The following PAPPA variants were observed in gnomAD, a reference collection of about 807,000 sequenced individuals.
PAPPA encodes pappalysin-1.
PAPPA carries 60 observed loss-of-function variants against 164.0 expected under a neutral mutation model. The ratio of observed to expected loss-of-function variants is 0.37; its 90% CI spans 0.30 to 0.45. The LOEUF is 0.45. Among genes scored for constraint, PAPPA ranks in the 20% least tolerant of loss-of-function variants. The pLI is 1.00. For synonymous variants in PAPPA, 875 were observed against 814.1 expected (o/e 1.07, Z -1.27); for missense variants, 1,782 against 2,087.3 (o/e 0.85, Z 2.85).
chr9:116,313,867 G>A (rs536609895), intron 10 of PAPPA, among the ~76,000 whole-genome samples: 1 of 151,976 alleles, frequency 6.6e-6, no homozygotes, highest in African/African-American at 2.4e-5. Context: ...CACATGCCAG[G>A]GCTGCTACTT....
At position 116,241,913 on chromosome 9, in the gene PAPPA, G is replaced by A. The variant is rs200248349; in HGVS notation, c.2732+6276G>A. Reference sequence around the variant, plus strand: ...CTCATTTCTTTTTATAGCTCTTTCCGTTTCTCACCTTGTCATCCATCCTTT... The same window carrying A: ...CTCATTTCTTTTTATAGCTCTTTCCATTTCTCACCTTGTCATCCATCCTTT... On this transcript the variant is annotated intron_variant, in intron 7 of 21. Transcript: ENST00000328252. Among the ~76,000 whole-genome samples the A allele has an allele frequency of 2.4e-4, 36 of 151,264 alleles. 1 individual carries two copies. The highest frequency in any genetic ancestry group is 1.6e-3 in the East Asian group (8 of 5,154).
chr9:116,176,064 G>T (rs1843830262), intron 1 of PAPPA, among the ~76,000 whole-genome samples: 3 of 152,160 alleles, frequency 2.0e-5, no homozygotes, highest in Admixed American at 6.5e-5. Flanking sequence ...CTTATACACT[G>T]ATGGTGGAGA....
chr9:116,286,249 G>A (rs1845337584), intron 9 of PAPPA: 1 of 152,126 alleles, frequency 6.6e-6, no homozygotes, highest in South Asian at 2.1e-4. Flanking sequence ...TTAGAAGAAT[G>A]GGTGGGTGGA....
At chr9:116,355,204 C>G (rs930984291) in intron 17 of PAPPA, among the ~76,000 whole-genome samples, 3 of 250 alleles carry the variant, frequency 0.012, no homozygotes, top group Non-Finnish European at 0.026. Context: ...CCCTGTGCCT[C>G]TCAGCACTTA....
chr9:116,293,970 A>G (rs1056475996), intron 9 of PAPPA, among the ~76,000 whole-genome samples: 6 of 152,194 alleles, frequency 3.9e-5, no homozygotes, highest in African/African-American at 7.2e-5. Flanking sequence ...AAATAAATAA[A>G]TAAAGTATTT....
At chr9:116,382,295 GTGAAAAGATGACAGACACCCGAAGGAC>G in intron 20 of PAPPA, 73 bp from the exon 21 acceptor site, 2 of 764,144 alleles carry the variant, frequency 2.6e-6, no homozygotes, top group South Asian at 2.9e-5. Flanking sequence ...GTGGAAGGCT[GTGAAAAGATGACAGACACCCGAAGGAC>G]TGCAGACGTC....
At chr9:116,255,015 C>T (rs1844911359) in intron 7 of PAPPA, among the ~76,000 whole-genome samples, 1 of 151,700 alleles carries the variant, frequency 6.6e-6, no homozygotes, top group Non-Finnish European at 1.5e-5. Context: ...AGCTTCCATT[C>T]TAAAGATATG....
intron 2 of PAPPA, among the ~76,000 whole-genome samples, chr9:116,200,356 AC>A (rs1170202338): frequency 6.6e-6 from 1 of 152,148 alleles, no homozygotes; most frequent in Non-Finnish European, 1.5e-5. Flanking sequence ...CTATCATAAC[AC>A]ATATAATAAC....
rs1845132932 is a variant in PAPPA, at chr9:116,271,316, G to A, written c.2862-9G>A. On this transcript the variant is annotated splice_polypyrimidine_tract_variant and intron_variant, in intron 8 of 21. Coordinates refer to ENST00000328252, the MANE Select transcript of PAPPA (RefSeq NM_002581.5). This position sits in a 1 kb window ranked among gnomAD's most constrained non-coding sequence, Gnocchi z 4.2. ...ATTGGCAAATTTCTCTTCCATATCT[G>A]CTCTGCAGAGACCAAGGTGAACAAT... 1 of 1,608,256 alleles carries A rather than the reference G, an allele frequency of 6.2e-7. No individual in the cohort carries two copies. Among genetic ancestry groups the A allele is most frequent in the African/African-American group, 1.3e-5 (1 of 74,924 alleles).
At chr9:116,286,857 T>C (rs959031409) in intron 9 of PAPPA, 2 of 152,118 alleles carry the variant, frequency 1.3e-5, no homozygotes, top group Non-Finnish European at 2.9e-5. Context: ...TCATAACAGT[T>C]GGGAAGGTAG....
Position 116,276,350 on chromosome 9 carries a change from T to A in PAPPA, c.2953+4934T>A, listed in dbSNP as rs556664222. Among the ~76,000 whole-genome samples the A allele has an allele frequency of 1.9e-3, 282 of 152,334 alleles. 2 individuals carry two copies. The highest frequency in any genetic ancestry group is 6.6e-3 in the African/African-American group (275 of 41,576). On this transcript the variant is annotated intron_variant, in intron 9 of 21. Coordinates refer to ENST00000328252, the MANE Select transcript of PAPPA (RefSeq NM_002581.5). ...TGTTACCTTCTGAGATGGAATCTAGTGCATTACAGGAGATGCAGCTGTGGA... is the reference window on the plus strand; with the variant it reads ...TGTTACCTTCTGAGATGGAATCTAGAGCATTACAGGAGATGCAGCTGTGGA...
chr9:116,390,203 C>T (rs1267483992), intron 21 of PAPPA, among the ~76,000 whole-genome samples: 6 of 151,930 alleles, frequency 3.9e-5, no homozygotes, highest in Admixed American at 1.3e-4. Context: ...AGGAGGTCAG[C>T]GAAGTTTCCC....
At chr9:116,221,341 T>A (rs1844443621) in intron 5 of PAPPA, among the ~76,000 whole-genome samples, 1 of 152,240 alleles carries the variant, frequency 6.6e-6, no homozygotes, top group South Asian at 2.1e-4. Context: ...TTCTTTGGGA[T>A]GCTTCATCTA....
At chr9:116,258,794 T>C (rs2118797186) in intron 7 of PAPPA, among the ~76,000 whole-genome samples, 1 of 152,326 alleles carries the variant, frequency 6.6e-6, no homozygotes, top group African/African-American at 2.4e-5. Flanking sequence ...ATAATTTTAA[T>C]ACATATTTGG....
chr9:116,237,517 G>C (rs867543940), intron 7 of PAPPA, among the ~76,000 whole-genome samples: 1 of 152,244 alleles, frequency 6.6e-6, no homozygotes, highest in East Asian at 1.9e-4. Context: ...GAGCTGCCAT[G>C]GGTTGATAAG....
chr9:116,219,905 T>C, intron 4 of PAPPA, 32 bp from the exon 5 acceptor site: 1 of 1,570,264 alleles, frequency 6.4e-7, no homozygotes, highest in Non-Finnish European at 8.7e-7. Context: ...CCTTGCGGCT[T>C]GGTGCTTATC....
chr9:116,211,863 C>T lies in PAPPA; in HGVS notation c.1849C>T (p.Pro617Ser). ...PKHKSCGDPG[P>S]GNDTCGFHSF... ...ACACAAGTCCTGTGGTGACCCAGGGCCAGGAAATGACACCTGTGGCTTTCA... is the reference window on the plus strand; with the variant it reads ...ACACAAGTCCTGTGGTGACCCAGGGTCAGGAAATGACACCTGTGGCTTTCA... The change falls in exon 4 of 22, where the codon CCA (proline) becomes TCA (serine). Residue 617 changes from proline (P) to serine (S), a missense_variant. Physicochemically the swap from Pro to Ser is moderately conservative, Grantham distance 74. Coordinates refer to ENST00000328252, the MANE Select transcript of PAPPA (RefSeq NM_002581.5). 1.9e-6 allele frequency: 3 copies of T among 1,614,090 alleles called. No individual in the cohort carries two copies. Among genetic ancestry groups the T allele is most frequent in the Non-Finnish European group, 2.5e-6 (3 of 1,179,968 alleles).
At chr9:116,338,545 G>T (rs1200122149) in intron 13 of PAPPA, among the ~76,000 whole-genome samples, 1 of 152,186 alleles carries the variant, frequency 6.6e-6, no homozygotes, top group Non-Finnish European at 1.5e-5. Flanking sequence ...TCATAGGTAG[G>T]ATTTGGAACA....
Position 116,350,643 on chromosome 9 carries a change from T to A in PAPPA, c.3965-2063T>A, listed in dbSNP as rs543515294. ...AGTCCCAACACCTTTTCCACAGATA[T>A]GTTATCTCTCTTAGGCAATTTGGAG... On this transcript the variant is annotated intron_variant, in intron 15 of 21. Coordinates refer to ENST00000328252, the MANE Select transcript of PAPPA (RefSeq NM_002581.5). Among the ~76,000 whole-genome samples, 11 of 152,344 alleles carry A rather than the reference T, an allele frequency of 7.2e-5. No homozygotes were observed. In the South Asian group the frequency reaches 2.3e-3, roughly 32 times the overall value.
Sources: allele counts gnomAD v4.1 joint callset (sites outside exome capture counted in the v4.1 genomes callset), GRCh38; gene constraint gnomAD v4.1.1; non-coding constraint Gnocchi (gnomAD v3.1); transcripts MANE v1.5; gene names NCBI Gene and HGNC (gene_info 2026-07-23, HGNC 2026-07-21).